Variants in RANBP3 observed in about 807,000 individuals in gnomAD.
The protein encoded by RANBP3 is RAN binding protein 3.
Under a neutral mutation model 77.3 loss-of-function variants are expected in RANBP3, and 14 were observed. The observed-to-expected ratio is 0.18, with a 90% confidence interval of 0.12 to 0.28. RANBP3 has a LOEUF of 0.28. Ranked by LOEUF, RANBP3 falls within the 10% of genes least tolerant of loss-of-function variation. The probability of loss-of-function intolerance (pLI) is 1.00; values close to 1 mark genes in which losing one functional copy is unlikely to be tolerated. For missense variants in RANBP3, 586 were observed against 752.3 expected, an observed-to-expected ratio of 0.78 and a Z score of 2.59; for synonymous variants, 315 against 312.4, an observed-to-expected ratio of 1.01 and a Z score of -0.09.
At chr19:5,954,427 C>A (rs2058311637) in intron 2 of RANBP3, among the ~76,000 whole-genome samples, 1 of 152,026 alleles carries the variant, frequency 6.6e-6, no homozygotes, top group Non-Finnish European at 1.5e-5. Flanking sequence ...GTGGTAAGGC[C>A]ATGCAGGAGA....
In RANBP3 at chr19:5,917,574, A is replaced by G; in HGVS notation, c.*36T>C. On this transcript the variant is annotated 3_prime_UTR_variant, in exon 17 of 17. Transcript: ENST00000340578. ...GGGTGGGCGGGTGGATAGACGGACAAAGCAGCAGCCTGGTGTGCAGCCGGG... is the reference window on the plus strand; with the variant it reads ...GGGTGGGCGGGTGGATAGACGGACAGAGCAGCAGCCTGGTGTGCAGCCGGG... 1 of 1,552,496 alleles carries G rather than the reference A, an allele frequency of 6.4e-7. No homozygotes were observed.
At chr19:5,949,698 T>C (rs1036271400) in intron 3 of RANBP3, among the ~76,000 whole-genome samples, 12 of 152,184 alleles carry the variant, frequency 7.9e-5, no homozygotes, top group Admixed American at 7.9e-4. Context: ...ACTGCTTGAA[T>C]TTCTCAGGAT....
intron 2 of RANBP3, among the ~76,000 whole-genome samples, chr19:5,957,115 A>G (rs2058344240): frequency 6.6e-6 from 1 of 152,068 alleles, no homozygotes; most frequent in Admixed American, 6.5e-5. Flanking sequence ...ACCACACATT[A>G]TTTCTGGATA....
intron 8 of RANBP3, among the ~76,000 whole-genome samples, chr19:5,931,084 G>A (rs1004780800): frequency 6.6e-6 from 1 of 152,196 alleles, no homozygotes; most frequent in Non-Finnish European, 1.5e-5. Context: ...GATCACTCCC[G>A]TGAGACATGT....
rs1046582728 is a variant in RANBP3 at position 5,924,278 on chromosome 19, G to A, written c.997-364C>T. ...AGAGTGACCAGGCGGCTCAGGACAG[G>A]CCCTCACGCAGTCGCAATGGAGCTG... On this transcript the variant is annotated intron_variant, in intron 11 of 16. Transcript: ENST00000340578. The surrounding 1 kb of genome is among the most constrained non-coding windows in gnomAD (Gnocchi z 4.7). 1.3e-5 allele frequency among the ~76,000 whole-genome samples: 2 copies of A among 152,248 alleles called. No individual in the cohort carries two copies. Among genetic ancestry groups the A allele is most frequent in the Non-Finnish European group, 2.9e-5 (2 of 68,044 alleles).
chr19:5,923,705 T>C, intron 12 of RANBP3, 107 bp downstream of exon 12: 1 of 808,396 alleles, frequency 1.2e-6, no homozygotes. Flanking sequence ...TTGTTACTGC[T>C]GCGGGAGTCG....
chr19:5,918,401 C>T, intron 15 of RANBP3, 95 bp downstream of exon 15: 2 of 225,054 alleles, frequency 8.9e-6, no homozygotes, highest in South Asian at 1.0e-4. Context: ...CCTCCCCCCT[C>T]CCCTCCCCAC....
chr19:5,963,516 A>C (rs1599789710), intron 1 of RANBP3, among the ~76,000 whole-genome samples: 1 of 152,200 alleles, frequency 6.6e-6, no homozygotes, highest in East Asian at 1.9e-4. Flanking sequence ...GTGCCACTGC[A>C]CTCCAGGCTG....
intron 15 of RANBP3, 109 bp downstream of exon 15, chr19:5,918,387 A>AGGGGGGGGGGGCGGGGGGGGGGG: frequency 1.9e-6 from 1 of 529,920 alleles, no homozygotes; most frequent in Non-Finnish European, 3.0e-6. Flanking sequence ...AAGCAACTGA[A>AGGGGGGGGGGGCGGGGGGGGGGG]GCCCCTCCCC....
Position 5,928,019 on chromosome 19 carries a change from G to A in RANBP3, c.762C>T (p.Pro254=), listed in dbSNP as rs767374096. 21 of 1,613,730 alleles carry A rather than the reference G, an allele frequency of 1.3e-5. No homozygotes were observed. Among genetic ancestry groups the A allele is most frequent in the East Asian group, 8.9e-5 (4 of 44,880 alleles). ...SEEEACEKKD[P]ATQQAFVFGQ... ...CAAATACAAAGGCTTGCTGTGTGGC[G>A]GGGTCTTTTTTCTCACAGGCTTCCT... The change falls in exon 9 of 17, where the codon CCC becomes CCT. Residue 254 remains proline (P), a synonymous_variant. Coordinates refer to ENST00000340578, the MANE Select transcript of RANBP3 (RefSeq NM_007322.3).
intron 2 of RANBP3, 58 bp from the exon 3 acceptor site, chr19:5,951,654 G>C (rs1361937691): frequency 3.3e-6 from 5 of 1,501,538 alleles, no homozygotes; most frequent in Non-Finnish European, 4.5e-6. Context: ...TCACACAGCA[G>C]GAAGGGCGGG....
intron 12 of RANBP3, 52 bp downstream of exon 12, chr19:5,923,759 TC>T: frequency 7.0e-7 from 1 of 1,436,056 alleles, no homozygotes; most frequent in Non-Finnish European, 9.8e-7. Context: ...GGACCCAGCA[TC>T]CCCCAAGATG....
rs770449020 is a variant in RANBP3, at chr19:5,957,944, C to G, written c.52G>C (p.Val18Leu). Residue 18 changes from valine to leucine, a missense_variant, in exon 2 of 17, where the codon GTG (valine) becomes CTG (leucine). Around this residue, in one of 5 missense-constraint regions of RANBP3, gnomAD observed 172 missense variants for 183.4 expected, o/e 0.94. Transcript: ENST00000340578. ...TTTTGTCCTTTATCCTTCTGAAACA[C>G]AAAGACGGGCGGAGCAATGGCAGGC... Reference protein sequence around the residue: ...EKPAIAPPVFVFQKDKGQKSP... With the variant: ...EKPAIAPPVFLFQKDKGQKSP... The G allele has an allele frequency of 1.4e-5, 23 of 1,614,036 alleles. No homozygotes were observed. In the Admixed American group the frequency reaches 3.7e-4, roughly 26 times the overall value.
intron 1 of RANBP3, chr19:5,962,783 C>T (rs905682496): frequency 8.8e-6 from 4 of 455,732 alleles, no homozygotes; most frequent in African/African-American, 8.0e-5. Flanking sequence ...TGCAAATCAG[C>T]ACGGCTATCG....
intron 6 of RANBP3, chr19:5,932,981 T>C (rs1264635135): frequency 3.8e-6 from 1 of 263,980 alleles, no homozygotes; most frequent in Non-Finnish European, 7.3e-6. Flanking sequence ...CAAGGACCCT[T>C]GCATGTGCCC....
intron 3 of RANBP3, among the ~76,000 whole-genome samples, chr19:5,946,162 C>T (rs1309567159): frequency 6.6e-6 from 1 of 152,238 alleles, no homozygotes; most frequent in Non-Finnish European, 1.5e-5. Flanking sequence ...ATGCTCACTC[C>T]CTATCCCAGC....
chr19:5,923,920 G>A lies in RANBP3; in HGVS notation c.997-6C>T, dbSNP rs770908981. ...TCGTTTAATTTTGGGGGGCTCTGCAGGGACACAAAAGCATACAAGGAAGAG... is the reference window on the plus strand; with the variant it reads ...TCGTTTAATTTTGGGGGGCTCTGCAAGGACACAAAAGCATACAAGGAAGAG... On this transcript the variant is annotated splice_polypyrimidine_tract_variant and splice_region_variant and intron_variant, in intron 11 of 16. Coordinates refer to ENST00000340578, the MANE Select transcript of RANBP3 (RefSeq NM_007322.3). The A allele has an allele frequency of 1.9e-6, 3 of 1,609,518 alleles. No homozygotes were observed. The highest frequency in any genetic ancestry group is 1.1e-5 in the South Asian group (1 of 90,990).
At chr19:5,946,738 G>A (rs1409713558) in intron 3 of RANBP3, among the ~76,000 whole-genome samples, 1 of 152,328 alleles carries the variant, frequency 6.6e-6, no homozygotes, top group Non-Finnish European at 1.5e-5. Context: ...GGAACTTGCT[G>A]TCCAGCTGGC....
chr19:5,941,870 C>T, intron 3 of RANBP3, 35 bp from the exon 4 acceptor site: 1 of 1,611,698 alleles, frequency 6.2e-7, no homozygotes, highest in East Asian at 2.2e-5. Flanking sequence ...GGTCAGAGGG[C>T]ATCAGGCTCA....
Sources: allele counts gnomAD v4.1 joint callset (sites outside exome capture counted in the v4.1 genomes callset), GRCh38; gene constraint gnomAD v4.1.1; regional missense constraint gnomAD v4.1.1; non-coding constraint Gnocchi (gnomAD v3.1); transcripts MANE v1.5; gene names NCBI Gene and HGNC (gene_info 2026-07-23, HGNC 2026-07-21).